Variants in TTI1 observed in about 807,000 individuals in gnomAD.
The protein encoded by TTI1 is TELO2 interacting protein 1.
In TTI1, 52 loss-of-function variants were observed where a neutral mutation model predicts 85.4. The observed-to-expected ratio is 0.61, with a 90% CI of 0.49 to 0.77. TTI1 has a LOEUF of 0.77. TTI1 is among the 30% of genes least tolerant of loss of function. The pLI, the probability that TTI1 is intolerant of heterozygous loss-of-function variation, is 0.00. For synonymous variants in TTI1, 512 were observed against 503.9 expected, an observed-to-expected ratio of 1.02 and a Z score of -0.22; for missense variants, 1,173 against 1,296.0, an observed-to-expected ratio of 0.91 and a Z score of 1.46.
At position 38,006,415 on chromosome 20, in the gene TTI1, C is replaced by T; in HGVS notation, c.2303-18G>A. 1 of 1,613,784 alleles carries T rather than the reference C, an allele frequency of 6.2e-7. No individual in the cohort carries two copies. The highest frequency in any genetic ancestry group is 8.5e-7 in the Non-Finnish European group (1 of 1,179,856). Reference sequence around the variant, plus strand: ...CCACTGGGCTGTAAATAAAGTGTTACAATGATCACCTTGGCTATTAACAAC... The same window carrying T: ...CCACTGGGCTGTAAATAAAGTGTTATAATGATCACCTTGGCTATTAACAAC... On this transcript the variant is annotated intron_variant, in intron 2 of 7. Coordinates refer to ENST00000373447, the MANE Select transcript of TTI1 (RefSeq NM_001303457.2).
rs772864335 is a variant in TTI1 at position 37,996,478 on chromosome 20, AC to A, written c.2999-17del. On this transcript the variant is annotated splice_polypyrimidine_tract_variant and intron_variant, in intron 6 of 7. Coordinates refer to ENST00000373447, the MANE Select transcript of TTI1 (RefSeq NM_001303457.2). ...TCACCCTCACCTGCAGAAAAGAAAA[AC>A]AAAACAAGCATCAGCCCTTACACTT... is the stretch of plus-strand genomic sequence containing the variant. 1 of 1,612,500 alleles carries A rather than the reference AC, an allele frequency of 6.2e-7. No homozygotes were observed. The highest frequency in any genetic ancestry group is 8.5e-7 in the Non-Finnish European group (1 of 1,179,940).
At chr20:38,013,889 C>G (rs2073643270) in intron 1 of TTI1, 32 bp from the exon 2 acceptor site, 5 of 1,528,414 alleles carry the variant, frequency 3.3e-6, no homozygotes, top group Non-Finnish European at 4.4e-6. Context: ...GTAAAAATGT[C>G]AAGTTCAAAG....
intron 7 of TTI1, among the ~76,000 whole-genome samples, chr20:37,993,675 A>G (rs1186368213): frequency 6.6e-6 from 1 of 152,160 alleles, no homozygotes; most frequent in Non-Finnish European, 1.5e-5. Context: ...CTGCCCTGAG[A>G]GCTTCCCTCA....
chr20:38,016,855 T>C (rs994777071), intron 1 of TTI1, among the ~76,000 whole-genome samples: 2 of 152,228 alleles, frequency 1.3e-5, no homozygotes, highest in South Asian at 4.1e-4. Context: ...CCATCCTGCA[T>C]GAAGGGCAGA....
intron 1 of TTI1, among the ~76,000 whole-genome samples, chr20:38,024,048 A>C (rs958604056): frequency 7.2e-4 from 109 of 152,202 alleles, no homozygotes; most frequent in African/African-American, 2.5e-3. Flanking sequence ...TATTACACTA[A>C]TACTATGTGC....
In TTI1 at chr20:38,011,532, G is replaced by A. The variant is rs1456761583; in HGVS notation, c.2285C>T (p.Ala762Val). The change falls in exon 2 of 8, where the codon GCT becomes GTT. Residue 762 changes from alanine (A) to valine (V), a missense_variant. Physicochemically the swap from Ala to Val is moderately conservative, Grantham distance 64. Transcript: ENST00000373447. ...CAATGTACCTAATGCTGCCATCAGA[G>A]CATGCAGAACGCTGACAAAGGAAGC... ...RAASFVSVLH[A>V]LMAALAQWFP... 6.2e-7 allele frequency: 1 copy of A among 1,614,102 alleles called. No homozygotes were observed. The highest frequency in any genetic ancestry group is 1.7e-5 in the Admixed American group (1 of 60,018).
Position 37,983,428 on chromosome 20 carries a change from C to G in TTI1, c.*28G>C, listed in dbSNP as rs137996777. The G allele has an allele frequency of 1.2e-6, 2 of 1,600,674 alleles. No homozygotes were observed. The highest frequency in any genetic ancestry group is 2.1e-4 in the Middle Eastern group (1 of 4,750). On this transcript the variant is annotated 3_prime_UTR_variant, in exon 8 of 8. Coordinates refer to ENST00000373447, the MANE Select transcript of TTI1 (RefSeq NM_001303457.2). ...TTCTGGCTGGCAGTAGGGGAGGGAT[C>G]GGTGGCCTCTGTGGTGGGGGAGCAG...
At chr20:38,003,790 G>A (rs910549501) in intron 3 of TTI1, among the ~76,000 whole-genome samples, 15 of 151,370 alleles carry the variant, frequency 9.9e-5, no homozygotes, top group African/African-American at 2.4e-4. Context: ...CAGGGTTCTC[G>A]TGTGGAGGAG....
intron 7 of TTI1, chr20:37,987,061 G>C (rs972663795): frequency 2.4e-6 from 1 of 420,634 alleles, no homozygotes; most frequent in Non-Finnish European, 4.8e-6. Flanking sequence ...CTCTCACTCC[G>C]AGAGGCAGGC....
Position 38,012,714 on chromosome 20 carries a change from T to G in TTI1, c.1103A>C (p.Lys368Thr). The change falls in exon 2 of 8, where the codon AAA (lysine) becomes ACA (threonine). Residue 368 changes from lysine to threonine, a missense_variant. Coordinates refer to ENST00000373447, the MANE Select transcript of TTI1 (RefSeq NM_001303457.2). ...FADQKVVVGN[K>T]ALADILSESL... The stretch of plus-strand genomic sequence containing the variant: ...TTCTGACAAGATGTCAGCGAGGGCT[T>G]TGTTGCCCACCACTACTTTTTGATC... 6.2e-7 allele frequency: 1 copy of G among 1,614,192 alleles called. No individual in the cohort carries two copies. Among genetic ancestry groups the G allele is most frequent in the African/African-American group, 1.3e-5 (1 of 75,040 alleles).
intron 3 of TTI1, among the ~76,000 whole-genome samples, chr20:38,005,629 G>T (rs989404809): frequency 2.6e-5 from 4 of 152,114 alleles, no homozygotes; most frequent in Admixed American, 1.3e-4. Flanking sequence ...GCCAATGTTG[G>T]TAAGGCTGTG....
chr20:38,014,002 C>T (rs1038039569), intron 1 of TTI1, 145 bp from the exon 2 acceptor site: 1 of 746,342 alleles, frequency 1.3e-6, no homozygotes, highest in African/African-American at 1.8e-5. Flanking sequence ...AAACTGAGCC[C>T]CCTGTCTAGT....
chr20:38,010,058 C>T (rs1490820671), intron 2 of TTI1, among the ~76,000 whole-genome samples: 1 of 152,142 alleles, frequency 6.6e-6, no homozygotes, highest in East Asian at 1.9e-4. Context: ...TGAGTTTATT[C>T]GTCTTTTTCT....
intron 7 of TTI1, among the ~76,000 whole-genome samples, chr20:37,995,907 C>T (rs1316646896): frequency 2.0e-5 from 3 of 152,204 alleles, no homozygotes; most frequent in Non-Finnish European, 4.4e-5. Context: ...GGCACATGTG[C>T]ACCTGCCTGC....
At chr20:38,011,430 A>C (rs2073584990) in intron 2 of TTI1, 85 bp downstream of exon 2, 2 of 1,478,778 alleles carry the variant, frequency 1.4e-6, no homozygotes, top group Admixed American at 4.2e-5. Context: ...CATCACCACA[A>C]ACAATGCAAA....
At chr20:38,002,480 G>T in intron 4 of TTI1, 148 bp downstream of exon 4, 1 of 1,058,572 alleles carries the variant, frequency 9.4e-7, no homozygotes, top group Non-Finnish European at 1.3e-6. Context: ...TCACCCCACA[G>T]ACAAATTCCT....
intron 7 of TTI1, among the ~76,000 whole-genome samples, chr20:37,994,220 G>A (rs1005437424): frequency 2.0e-5 from 3 of 152,096 alleles, no homozygotes; most frequent in Non-Finnish European, 2.9e-5. Context: ...TGCAACATCC[G>A]CCTCCCAGGT....
At chr20:38,006,088 T>C in intron 3 of TTI1, 109 bp downstream of exon 3, 1 of 1,239,248 alleles carries the variant, frequency 8.1e-7, no homozygotes, top group Non-Finnish European at 1.1e-6. Context: ...CCTGGTAAGG[T>C]TATGAGTAAC....
At chr20:38,014,997 G>T (rs558391639) in intron 1 of TTI1, among the ~76,000 whole-genome samples, 1 of 152,200 alleles carries the variant, frequency 6.6e-6, no homozygotes, top group Non-Finnish European at 1.5e-5. Context: ...GAGGCTTAGA[G>T]ATCATCTAGT....
Sources: gnomAD v4.1 joint callset for allele counts (sites outside exome capture counted in the v4.1 genomes callset) on GRCh38, gnomAD v4.1.1 for gene constraint, MANE v1.5 for transcripts, NCBI Gene and HGNC (gene_info 2026-07-23, HGNC 2026-07-21) for gene names.